The following LARP1 variants were observed in gnomAD, a reference collection of about 807,000 sequenced individuals.
The protein encoded by LARP1 is la-related protein 1.
LARP1 carries 36 observed loss-of-function variants against 122.7 expected under a neutral mutation model. The ratio of observed to expected loss-of-function variants is 0.29; its 90% CI spans 0.22 to 0.39. LARP1 has a LOEUF of 0.39. LARP1 is among the 10% of genes least tolerant of loss of function. The probability of loss-of-function intolerance (pLI) is 1.00; values close to 1 mark genes in which losing one functional copy is unlikely to be tolerated. For synonymous variants in LARP1, 539 were observed against 528.7 expected, an observed-to-expected ratio of 1.02 and a Z score of -0.27; for missense variants, 1,040 against 1,403.6, an observed-to-expected ratio of 0.74 and a Z score of 4.14.
chr5:154,796,176 TATATATATATTTTATATATA>T (rs1757833396), intron 8 of LARP1, among the ~76,000 whole-genome samples: 1 of 130,972 alleles, frequency 7.6e-6, no homozygotes, highest in Admixed American at 9.6e-5. Flanking sequence ...ATTTATATAT[TATATATATATTTTATATATA>T]TATATAGTTT....
In LARP1 at chr5:154,743,157, T is replaced by A. The variant is rs555024861; in HGVS notation, c.205+30027T>A. ...ACATCTTGGTGTATATTAATTCATA[T>A]TCTGGGAAACACTCCTTGAGAAGTC... On this transcript the variant is annotated intron_variant, in intron 1 of 18. Transcript: ENST00000336314. 6.6e-5 allele frequency among the ~76,000 whole-genome samples: 10 copies of A among 152,326 alleles called. No individual in the cohort carries two copies. In the South Asian group the frequency reaches 2.1e-3, roughly 32 times the overall value.
intron 1 of LARP1, among the ~76,000 whole-genome samples, chr5:154,773,220 T>C (rs1755587009): frequency 6.6e-6 from 1 of 152,128 alleles, no homozygotes; most frequent in African/African-American, 2.4e-5. Flanking sequence ...TTTTGGGGTC[T>C]CAGTTGACCA....
chr5:154,764,202 C>T (rs562746905), intron 1 of LARP1, among the ~76,000 whole-genome samples: 6 of 149,220 alleles, frequency 4.0e-5, no homozygotes, highest in African/African-American at 9.9e-5. Flanking sequence ...CCCAGCTACT[C>T]GGGAGGCTGA....
intron 1 of LARP1, among the ~76,000 whole-genome samples, chr5:154,719,500 A>G (rs1220173207): frequency 6.6e-6 from 1 of 152,234 alleles, no homozygotes; most frequent in Non-Finnish European, 1.5e-5. Flanking sequence ...AACTATCAAA[A>G]TAAAAGAAAT....
intron 8 of LARP1, among the ~76,000 whole-genome samples, chr5:154,796,954 A>T (rs1357789987): frequency 6.6e-6 from 1 of 151,992 alleles, no homozygotes; most frequent in Non-Finnish European, 1.5e-5. Context: ...GCTCAAACGT[A>T]TTTATTTTGG....
In LARP1 at chr5:154,755,834, G is replaced by A. The variant is rs1753824637; in HGVS notation, c.77G>A (p.Arg26Lys). The change falls in exon 1 of 19, where the codon AGG becomes AAG. Residue 26 changes from arginine to lysine, a missense_variant. Physicochemically the swap from Arg to Lys is conservative, Grantham distance 26 (BLOSUM62 2). Transcript: ENST00000518297. ...GCCGAAGAGCACGGGGGGCTGGTGA[G>A]GAAGAAGCCGCCGCCGGCGCCCGAG... ...LQAEEHGGLV[R>K]KKPPPAPEGK... is the part of the protein sequence containing the mutation. 5 of 1,003,554 alleles carry A rather than the reference G, an allele frequency of 5.0e-6. No individual in the cohort carries two copies. Among genetic ancestry groups the A allele is most frequent in the Non-Finnish European group, 5.9e-6 (5 of 840,428 alleles). The allele number at this position is 1,003,554 out of a possible 1,614,324, so 62.2% of individuals were successfully genotyped here.
At chr5:154,765,323 A>G (rs114858872) in intron 1 of LARP1, among the ~76,000 whole-genome samples, 14 of 152,268 alleles carry the variant, frequency 9.2e-5, no homozygotes, top group Non-Finnish European at 1.9e-4. Context: ...TAGACTAGCA[A>G]GTCCTGACCT....
rs138850479 is a variant in LARP1 at position 154,801,509 on chromosome 5, C to T, written c.1717-498C>T. 5.3e-5 allele frequency among the ~76,000 whole-genome samples: 8 copies of T among 152,278 alleles called. No individual in the cohort carries two copies. In the East Asian group the frequency reaches 1.4e-3, roughly 26 times the overall value. On this transcript the variant is annotated intron_variant, in intron 10 of 18. Coordinates refer to ENST00000518297, the MANE Select transcript of LARP1 (RefSeq NM_033551.3). Reference sequence around the variant, plus strand: ...TAGGTTTTTCATACAGAGCTTAGGACTAATGGGTACTCCCTCATTTATTAT... The same window carrying T: ...TAGGTTTTTCATACAGAGCTTAGGATTAATGGGTACTCCCTCATTTATTAT...
intron 1 of LARP1, among the ~76,000 whole-genome samples, chr5:154,688,039 A>T (rs1202724670): frequency 6.6e-6 from 1 of 152,170 alleles, no homozygotes; most frequent in Non-Finnish European, 1.5e-5. Context: ...GAGTAGGTGT[A>T]CAAATGAGTG....
intron 1 of LARP1, among the ~76,000 whole-genome samples, chr5:154,704,407 G>A (rs1239224705): frequency 1.3e-5 from 2 of 152,142 alleles, no homozygotes; most frequent in African/African-American, 2.4e-5. Context: ...AGCACTTTGG[G>A]AGGCCAAGGT....
intron 2 of LARP1, 45 bp downstream of exon 2, chr5:154,790,431 G>A: frequency 1.9e-6 from 3 of 1,571,170 alleles, no homozygotes; most frequent in South Asian, 2.2e-5. Flanking sequence ...TCTGGAGTTG[G>A]TGGCCTCTTT....
chr5:154,796,095 T>A (rs1481611664), intron 8 of LARP1, among the ~76,000 whole-genome samples: 1 of 121,070 alleles, frequency 8.3e-6, no homozygotes, highest in Non-Finnish European at 1.6e-5. Flanking sequence ...TATATATATT[T>A]TATATATTTA....
At chr5:154,789,421 A>G (rs1757170013) in intron 1 of LARP1, among the ~76,000 whole-genome samples, 1 of 151,754 alleles carries the variant, frequency 6.6e-6, no homozygotes, top group Non-Finnish European at 1.5e-5. Context: ...GGGTTTCGCC[A>G]TGTTGGCCAG....
intron 1 of LARP1, among the ~76,000 whole-genome samples, chr5:154,701,999 G>A (rs1477121228): frequency 2.0e-5 from 3 of 152,098 alleles, no homozygotes. Flanking sequence ...TTTGTGACAG[G>A]AGCTCCCACA....
At position 154,806,021 on chromosome 5, in the gene LARP1, G is replaced by A; in HGVS notation, c.2687G>A (p.Arg896His). 1 of 1,613,974 alleles carries A rather than the reference G, an allele frequency of 6.2e-7. No individual in the cohort carries two copies. Among genetic ancestry groups the A allele is most frequent in the Non-Finnish European group, 8.5e-7 (1 of 1,179,964 alleles). Residue 896 changes from arginine to histidine, a missense_variant, in exon 15 of 19, where the codon CGC (arginine) becomes CAC (histidine). By Grantham distance (29) the Arg-to-His change is conservative. Transcript: ENST00000518297. ...TQHVYHKYRR[R>H]CLNERKRLGI... ...CACGTCTACCATAAGTATCGTAGGC[G>A]CTGCCTTAATGGTAAGAAGTGTGGG...
Position 154,793,718 on chromosome 5 carries a change from T to G in LARP1, c.863T>G (p.Ile288Ser). The change falls in exon 5 of 19, where the codon ATC becomes AGC. Residue 288 changes from isoleucine (I) to serine (S), a missense_variant. Ile to Ser is a moderately radical substitution (Grantham distance 142). Coordinates refer to ENST00000518297, the MANE Select transcript of LARP1 (RefSeq NM_033551.3). ...PRHIPANRGE[I>S]KGSESATYVP... ...CACATACCTGCCAATCGCGGAGAGA[T>G]CAAAGGTATGCACTACCCACTATGG... The G allele has an allele frequency of 6.2e-7, 1 of 1,613,896 alleles. No homozygotes were observed. Among genetic ancestry groups the G allele is most frequent in the Middle Eastern group, 1.7e-4 (1 of 6,058 alleles).
upstream of LARP1, among the ~76,000 whole-genome samples, chr5:154,753,081 T>C (rs1230105769): frequency 3.3e-5 from 5 of 152,184 alleles, no homozygotes; most frequent in African/African-American, 1.2e-4. Context: ...TGTTCAACCC[T>C]GTTTCTGACT....
At chr5:154,729,953 T>C (rs1218528459) in intron 1 of LARP1, among the ~76,000 whole-genome samples, 1 of 152,196 alleles carries the variant, frequency 6.6e-6, no homozygotes, top group Non-Finnish European at 1.5e-5. Context: ...TACAACTGCA[T>C]GAGTGACTTT....
intron 3 of LARP1, 53 bp from the exon 4 acceptor site, chr5:154,792,569 T>A: frequency 1.3e-6 from 2 of 1,562,082 alleles, no homozygotes; most frequent in Non-Finnish European, 1.8e-6. Flanking sequence ...CCTTCCCTCC[T>A]ATACCATGAG....
Sources: gnomAD v4.1 joint callset for allele counts (sites outside exome capture counted in the v4.1 genomes callset) on GRCh38, gnomAD v4.1.1 for gene constraint, MANE v1.5 for transcripts, NCBI Gene and HGNC (gene_info 2026-07-23, HGNC 2026-07-21) for gene names.